ZNF688: variants seen among roughly 807,000 people sequenced by gnomAD.
ZNF688 encodes zinc finger protein 688.
A neutral mutation model predicts 13.2 loss-of-function variants in ZNF688; 10 were observed. The ratio of observed to expected loss-of-function variants is 0.76; its 90% CI spans 0.47 to 1.28. ZNF688 has a LOEUF of 1.28. Ranked by LOEUF, ZNF688 falls within the 50% of genes most tolerant of loss-of-function variation. The pLI, the probability that ZNF688 is intolerant of heterozygous loss-of-function variation, is 0.00. For missense variants in ZNF688, 381 were observed against 391.4 expected (o/e 0.97, Z 0.22); for synonymous variants, 160 against 159.4 (o/e 1.00, Z -0.03).
chr16:30,575,944 C>T (rs2051741909), upstream of ZNF688, among the ~76,000 whole-genome samples: 2 of 152,244 alleles, frequency 1.3e-5, no homozygotes, highest in South Asian at 4.1e-4. Flanking sequence ...GCGTGAGCCA[C>T]TGCGCCCAGT....
upstream of ZNF688, among the ~76,000 whole-genome samples, chr16:30,576,771 A>G (rs974560627): frequency 6.6e-6 from 1 of 151,828 alleles, no homozygotes; most frequent in Non-Finnish European, 1.5e-5. Flanking sequence ...TATTATTATT[A>G]ATTATCATTA....
chr16:30,577,922 G>C, the ZNF688 span, among the ~76,000 whole-genome samples: 1 of 151,862 alleles, frequency 6.6e-6, no homozygotes, highest in Non-Finnish European at 1.5e-5. Flanking sequence ...CACCGTCCTC[G>C]GCCTCCCAAA....
the ZNF688 span, among the ~76,000 whole-genome samples, chr16:30,577,959 A>G: frequency 3.3e-5 from 5 of 151,994 alleles, no homozygotes; most frequent in Admixed American, 6.6e-5. Context: ...TATGAGCCAT[A>G]GCGCCAGGCC....
Position 30,571,529 on chromosome 16 carries a change from T to A in ZNF688, c.101A>T (p.Tyr34Phe), listed in dbSNP as rs747738917. ...GTVSFADVAV[Y>F]FSPEEWGCLR... is the part of the protein sequence containing the mutation. ...ACAGCCCCACTCCTCCGGGGAGAAG[T>A]ACACGGCCACGTCCGCGAAGCTCAC... Residue 34 changes from tyrosine to phenylalanine, a missense_variant, in exon 1 of 3, where the codon TAC (tyrosine) becomes TTC (phenylalanine). Coordinates refer to ENST00000223459, the MANE Select transcript of ZNF688 (RefSeq NM_145271.4). 1 of 1,588,456 alleles carries A rather than the reference T, an allele frequency of 6.3e-7. No homozygotes were observed. Among genetic ancestry groups the A allele is most frequent in the South Asian group, 1.1e-5 (1 of 87,260 alleles).
At chr16:30,570,463 T>TA (rs1567514010) in intron 2 of ZNF688, 27 bp from the exon 3 acceptor site, 1 of 1,595,948 alleles carries the variant, frequency 6.3e-7, no homozygotes, top group South Asian at 1.1e-5. Context: ...AAGTTACACT[T>TA]ACAAACACTT....
At position 30,570,200 on chromosome 16, in the gene ZNF688, G is replaced by A. The variant is rs139761457; in HGVS notation, c.547C>T (p.His183Tyr). The A allele has an allele frequency of 1.9e-6, 3 of 1,611,980 alleles. No individual in the cohort carries two copies. Among genetic ancestry groups the A allele is most frequent in the Admixed American group, 1.7e-5 (1 of 59,910 alleles). Residue 183 changes from histidine to tyrosine, a missense_variant, in exon 3 of 3, where the codon CAC (histidine) becomes TAC (tyrosine). His to Tyr is a moderately conservative substitution (Grantham distance 83, BLOSUM62 2). Transcript: ENST00000223459. ...SMDAQAGQRR[H>Y]VCTDCGRRFT... ...CGGCGGCCGCAGTCCGTGCACACGTGGCGCCGCTGGCCGGCCTGAGCATCC... is the reference window on the plus strand; with the variant it reads ...CGGCGGCCGCAGTCCGTGCACACGTAGCGCCGCTGGCCGGCCTGAGCATCC...
In ZNF688 at chr16:30,569,852, C is replaced by A; in HGVS notation, c.*64G>T. 1 of 1,486,614 alleles carries A rather than the reference C, an allele frequency of 6.7e-7. No individual in the cohort carries two copies. Among genetic ancestry groups the A allele is most frequent in the Non-Finnish European group, 8.9e-7 (1 of 1,119,580 alleles). The allele number at this position is 1,486,614 out of a possible 1,614,324, so 92.1% of individuals were successfully genotyped here. On this transcript the variant is annotated 3_prime_UTR_variant, in exon 3 of 3. Coordinates refer to ENST00000223459, the MANE Select transcript of ZNF688 (RefSeq NM_145271.4). The stretch of plus-strand genomic sequence containing the variant: ...GTTCCGGAGTCCCCGACTCAGTGGC[C>A]CACCTCAGGGATCCGTCAGTCCTTC...
chr16:30,572,139 A>G (rs770035787), upstream of ZNF688: 16 of 1,600,862 alleles, frequency 1.0e-5, no homozygotes, highest in Non-Finnish European at 1.2e-5. Context: ...TACCCGCAAT[A>G]CGCAACGGCC....
intron 1 of ZNF688, 39 bp from the exon 2 acceptor site, chr16:30,571,162 C>G: frequency 6.5e-7 from 1 of 1,548,434 alleles, no homozygotes; most frequent in Non-Finnish European, 8.7e-7. Context: ...GCCTGAGAGG[C>G]CATCGTGGGA....
At chr16:30,572,273 C>A, upstream of ZNF688, 1 of 1,525,112 alleles carries the variant, frequency 6.6e-7, no homozygotes, top group Non-Finnish European at 8.8e-7. Flanking sequence ...GAGACCTCGG[C>A]ATCTGCGGTG....
rs542629282 is a variant in ZNF688, at chr16:30,569,878, G to A, written c.*38C>T. 204 of 1,504,402 alleles carry A rather than the reference G, an allele frequency of 1.4e-4. 4 individuals carry two copies. In the South Asian group the frequency reaches 2.2e-3, roughly 16 times the overall value. 93.2% of individuals were successfully genotyped at this position (1,504,402 alleles called of 1,614,324 possible). ...CACCTCAGGGATCCGTCAGTCCTTC[G>A]TGCCAAGGTCAGGCTCAACTCCAGC... On this transcript the variant is annotated 3_prime_UTR_variant, in exon 3 of 3. Coordinates refer to ENST00000223459, the MANE Select transcript of ZNF688 (RefSeq NM_145271.4).
At chr16:30,572,008 C>T, upstream of ZNF688, 2 of 1,407,366 alleles carry the variant, frequency 1.4e-6, no homozygotes, top group Non-Finnish European at 1.9e-6. Flanking sequence ...CCCACTTGCC[C>T]TTAAATAAAG....
upstream of ZNF688, chr16:30,571,881 G>A: frequency 7.8e-7 from 1 of 1,280,492 alleles, no homozygotes; most frequent in Non-Finnish European, 9.8e-7. Flanking sequence ...AAGGGACCCG[G>A]AAGGTGCCTT....
chr16:30,570,296 C>A lies in ZNF688; in HGVS notation c.451G>T (p.Ala151Ser). ...CAGGCAGCATTTTTGGGTGGCTGTG[C>A]CCGTGCCGGGGCCACGCTAATAGCT... ...DPAISVAPAR[A>S]QPPKNAAWDP... The change falls in exon 3 of 3, where the codon GCA (alanine) becomes TCA (serine). Residue 151 changes from alanine to serine, a missense_variant. Physicochemically the swap from Ala to Ser is moderately conservative, Grantham distance 99. Transcript: ENST00000223459. The A allele has an allele frequency of 6.2e-7, 1 of 1,613,968 alleles. No individual in the cohort carries two copies. The highest frequency in any genetic ancestry group is 1.7e-5 in the Admixed American group (1 of 60,006).
upstream of ZNF688, chr16:30,572,085 C>T (rs2051695705): frequency 4.0e-6 from 6 of 1,504,898 alleles, no homozygotes; most frequent in Non-Finnish European, 5.4e-6. Context: ...GGCTTCTTGC[C>T]TTCAAGAAAG....
At chr16:30,573,810 G>A, upstream of ZNF688, 1 of 287,542 alleles carries the variant, frequency 3.5e-6, no homozygotes, top group African/African-American at 2.3e-5. Context: ...ATTATTAATT[G>A]TTAATAATTA....
At chr16:30,577,440 T>C (rs111929474), upstream of ZNF688, among the ~76,000 whole-genome samples, 10,487 of 150,930 alleles carry the variant, frequency 0.069, 1,109 homozygotes, top group African/African-American at 0.24. Context: ...AGTGCAGTAG[T>C]GGGATCTTGG....
chr16:30,575,760 G>A (rs1334502093), upstream of ZNF688, among the ~76,000 whole-genome samples: 8 of 151,698 alleles, frequency 5.3e-5, no homozygotes, highest in Admixed American at 1.3e-4. Flanking sequence ...GGGTTCAAGC[G>A]ATTCTCCTGC....
At position 30,569,847 on chromosome 16, in the gene ZNF688, G is replaced by C; in HGVS notation, c.*69C>G. 1 of 1,484,960 alleles carries C rather than the reference G, an allele frequency of 6.7e-7. No individual in the cohort carries two copies. Among genetic ancestry groups the C allele is most frequent in the Non-Finnish European group, 8.9e-7 (1 of 1,118,542 alleles). 92.0% of individuals were successfully genotyped at this position (1,484,960 alleles called of 1,614,324 possible). A position where few individuals can be genotyped will look rare whatever the true frequency, so the allele number is the denominator to read the frequency against. On this transcript the variant is annotated 3_prime_UTR_variant, in exon 3 of 3. Transcript: ENST00000223459. ...TTTCAGTTCCGGAGTCCCCGACTCAGTGGCCCACCTCAGGGATCCGTCAGT... is the reference window on the plus strand; with the variant it reads ...TTTCAGTTCCGGAGTCCCCGACTCACTGGCCCACCTCAGGGATCCGTCAGT...
Sources: gnomAD v4.1 joint callset for allele counts (sites outside exome capture counted in the v4.1 genomes callset) on GRCh38, gnomAD v4.1.1 for gene constraint, MANE v1.5 for transcripts, NCBI Gene and HGNC (gene_info 2026-07-23, HGNC 2026-07-21) for gene names.